AGO1: variants seen among roughly 807,000 people sequenced by gnomAD.
The protein encoded by AGO1 is protein argonaute-1.
AGO1 carries 11 observed loss-of-function variants against 109.2 expected under a neutral mutation model. That is an observed-to-expected ratio of 0.10 (90% CI 0.06 to 0.17). AGO1 has a LOEUF of 0.17. Ranked by LOEUF, AGO1 falls within the 10% of genes least tolerant of loss-of-function variation. The pLI is 1.00. For synonymous variants in AGO1, 422 were observed against 418.6 expected, an observed-to-expected ratio of 1.01 and a Z score of -0.10; for missense variants, 574 against 1,140.3, an observed-to-expected ratio of 0.50 and a Z score of 7.15.
rs1046575806 is a variant in AGO1, at chr1:35,919,432, T to C, written c.2466-67T>C. 1.3e-6 allele frequency: 2 copies of C among 1,520,018 alleles called. No individual in the cohort carries two copies. The highest frequency in any genetic ancestry group is 1.7e-4 in the Middle Eastern group (1 of 5,876). 94.2% of individuals were successfully genotyped at this position (1,520,018 alleles called of 1,614,324 possible). On this transcript the variant is annotated intron_variant, in intron 18 of 18. Coordinates refer to ENST00000373204, the MANE Select transcript of AGO1 (RefSeq NM_012199.5). The surrounding 1 kb of genome is among the most constrained non-coding windows in gnomAD (Gnocchi z 6.6). ...GGTATGGGAATTGGCATCCCAGGGC[T>C]GGGCGAGGGAATTAGCAGCAGCTCT... is the stretch of plus-strand genomic sequence containing the variant.
Position 35,888,719 on chromosome 1 carries a change from A to G in AGO1, c.209+109A>G. ...GAGGGTAGTATCACCAAATCTAAGG[A>G]AGTTTTTGAACGGGAGATGCCACGT... On this transcript the variant is annotated intron_variant, in intron 2 of 18. Transcript: ENST00000373204. This position sits in a 1 kb window ranked among gnomAD's most constrained non-coding sequence, Gnocchi z 4.1. 1 of 1,270,702 alleles carries G rather than the reference A, an allele frequency of 7.9e-7. No homozygotes were observed. Among genetic ancestry groups the G allele is most frequent in the South Asian group, 1.6e-5 (1 of 64,066 alleles). 78.7% of individuals were successfully genotyped at this position (1,270,702 alleles called of 1,614,324 possible). A position where few individuals can be genotyped will look rare whatever the true frequency, so the allele number is the denominator to read the frequency against.
Position 35,920,649 on chromosome 1 carries a change from C to T in AGO1, c.*1042C>T, listed in dbSNP as rs1440196918. 1 of 152,600 alleles carries T rather than the reference C, an allele frequency of 6.6e-6. No homozygotes were observed. Among genetic ancestry groups the T allele is most frequent in the East Asian group, 1.9e-4 (1 of 5,194 alleles). 9.5% of individuals were successfully genotyped at this position (152,600 alleles called of 1,614,324 possible). Reference sequence around the variant, plus strand: ...GTCTCGGAGCTGCTGAGATGACAGGCCCCTGGCCTTTCCACTTATGCCTCC... The same window carrying T: ...GTCTCGGAGCTGCTGAGATGACAGGTCCCTGGCCTTTCCACTTATGCCTCC... On this transcript the variant is annotated 3_prime_UTR_variant, in exon 19 of 19. Transcript: ENST00000373204.
chr1:35,894,881 T>C (rs1013239244), intron 7 of AGO1, among the ~76,000 whole-genome samples: 5 of 152,218 alleles, frequency 3.3e-5, no homozygotes, highest in Non-Finnish European at 7.3e-5. Context: ...CTGACTTTTG[T>C]GGAACTTGCC....
Position 35,888,613 on chromosome 1 carries a change from A to G in AGO1, c.209+3A>G. On this transcript the variant is annotated splice_donor_region_variant and intron_variant, in intron 2 of 18. Coordinates refer to ENST00000373204, the MANE Select transcript of AGO1 (RefSeq NM_012199.5). This position sits in a 1 kb window ranked among gnomAD's most constrained non-coding sequence, Gnocchi z 4.1. ...AAGTGTCCCCGTAGAGTCAACCGGT[A>G]AGTGATGCACACCTAAGCCACCAAA... The G allele has an allele frequency of 3.1e-6, 5 of 1,614,174 alleles. No homozygotes were observed. Among genetic ancestry groups the G allele is most frequent in the Non-Finnish European group, 4.2e-6 (5 of 1,180,006 alleles).
At chr1:35,889,701 C>G (rs1645182847) in intron 2 of AGO1, among the ~76,000 whole-genome samples, 1 of 152,040 alleles carries the variant, frequency 6.6e-6, no homozygotes, top group Non-Finnish European at 1.5e-5. Flanking sequence ...CTTTCTCCCT[C>G]TGTCGCCCAA....
In AGO1 at chr1:35,921,573, G is replaced by C. The variant is rs1571383462; in HGVS notation, c.*1966G>C. 1.3e-5 allele frequency: 2 copies of C among 152,712 alleles called. No homozygotes were observed. Among genetic ancestry groups the C allele is most frequent in the Admixed American group, 1.3e-4 (2 of 15,286 alleles). 9.5% of individuals were successfully genotyped at this position (152,712 alleles called of 1,614,324 possible). On this transcript the variant is annotated 3_prime_UTR_variant, in exon 19 of 19. Transcript: ENST00000373204. ...GCTTGGAGGCCAGCTGGAGGAAGAA[G>C]GGTCTAAATCCTGGCCTGTAGAGTT...
At chr1:35,875,088 A>G (rs1644982283) in intron 1 of AGO1, among the ~76,000 whole-genome samples, 1 of 152,248 alleles carries the variant, frequency 6.6e-6, no homozygotes, top group South Asian at 2.1e-4. Context: ...AGATCTGACT[A>G]AAATAATTGA....
rs1401866702 is a variant in AGO1, at chr1:35,921,985, C to T, written c.*2378C>T. On this transcript the variant is annotated 3_prime_UTR_variant, in exon 19 of 19. Coordinates refer to ENST00000373204, the MANE Select transcript of AGO1 (RefSeq NM_012199.5). ...GTCACCCTTTGGGGAGGGGAGTTCT[C>T]CTGGGACAGTGGGCTCTGCATGTTC... 1 of 152,812 alleles carries T rather than the reference C, an allele frequency of 6.5e-6. No homozygotes were observed. The highest frequency in any genetic ancestry group is 1.5e-5 in the Non-Finnish European group (1 of 68,182). 9.5% of individuals were successfully genotyped at this position (152,812 alleles called of 1,614,324 possible). A position where few individuals can be genotyped will look rare whatever the true frequency, so the allele number is the denominator to read the frequency against.
chr1:35,896,605 T>A (rs1470742010), intron 8 of AGO1, among the ~76,000 whole-genome samples: 2 of 151,872 alleles, frequency 1.3e-5, no homozygotes, highest in African/African-American at 2.4e-5. Flanking sequence ...GTGATCTGCC[T>A]GCCTCGGCCT....
chr1:35,882,480 C>T (rs1645047110), upstream of AGO1, among the ~76,000 whole-genome samples: 1 of 152,108 alleles, frequency 6.6e-6, no homozygotes, highest in Admixed American at 6.5e-5. The surrounding 1 kb of genome is among the most constrained non-coding windows in gnomAD (Gnocchi z 5.1). Context: ...ACAGATGCTG[C>T]AGAGAAATAA....
At chr1:35,914,341 T>C in intron 14 of AGO1, 67 bp downstream of exon 14, 2 of 1,322,390 alleles carry the variant, frequency 1.5e-6, no homozygotes, top group Non-Finnish European at 2.2e-6. Flanking sequence ...AAACTGCCCA[T>C]GATTTCCTTC....
chr1:35,908,454 C>T (rs1348451444), intron 12 of AGO1, among the ~76,000 whole-genome samples: 1 of 152,140 alleles, frequency 6.6e-6, no homozygotes, highest in African/African-American at 2.4e-5. Context: ...TGATTCAATC[C>T]TTGAACCCTC....
At chr1:35,898,400 GCGCCGA>G (rs1645358506) in intron 8 of AGO1, among the ~76,000 whole-genome samples, 1 of 152,030 alleles carries the variant, frequency 6.6e-6, no homozygotes, top group Admixed American at 6.5e-5. Context: ...GGGAATGCAG[GCGCCGA>G]CCACCACGCC....
rs1372029994 is a variant in AGO1 at position 35,919,234 on chromosome 1, G to T, written c.2445G>T (p.Leu815=). The change falls in exon 18 of 19, where the codon CTG becomes CTT. Residue 815 remains leucine (L), a synonymous_variant. Coordinates refer to ENST00000373204, the MANE Select transcript of AGO1 (RefSeq NM_012199.5). The surrounding 1 kb of genome is among the most constrained non-coding windows in gnomAD (Gnocchi z 6.6). ...RLVAFRARYH[L]VDKEHDSGEG... The stretch of plus-strand genomic sequence containing the variant: ...TGGCTTTCCGGGCACGATACCACCT[G>T]GTGGACAAGGAGCATGACAGGTGAG... 6.2e-7 allele frequency: 1 copy of T among 1,613,856 alleles called. No homozygotes were observed. Among genetic ancestry groups the T allele is most frequent in the Non-Finnish European group, 8.5e-7 (1 of 1,179,890 alleles).
upstream of AGO1, among the ~76,000 whole-genome samples, chr1:35,879,274 C>A (rs1457066662): frequency 6.6e-6 from 1 of 150,840 alleles, no homozygotes; most frequent in Non-Finnish European, 1.5e-5. Flanking sequence ...CATGGAGAAA[C>A]CCTGTCTATA....
At position 35,917,044 on chromosome 1, in the gene AGO1, C is replaced by T. The variant is rs367973663; in HGVS notation, c.2029-549C>T. 1.6e-3 allele frequency among the ~76,000 whole-genome samples: 249 copies of T among 152,350 alleles called. 1 individual carries two copies. Among genetic ancestry groups the T allele is most frequent in the African/African-American group, 5.5e-3 (230 of 41,564 alleles). Reference sequence around the variant, plus strand: ...TTTGACCCTCTGTATCTGACATCCACGGCCACAGGCAACTATTGCCTATGA... The same window carrying T: ...TTTGACCCTCTGTATCTGACATCCATGGCCACAGGCAACTATTGCCTATGA... On this transcript the variant is annotated intron_variant, in intron 15 of 18. Transcript: ENST00000373204.
chr1:35,872,513 T>C (rs927606001), intron 1 of AGO1, among the ~76,000 whole-genome samples: 1 of 152,190 alleles, frequency 6.6e-6, no homozygotes, highest in Non-Finnish European at 1.5e-5. Context: ...TCATCCTAGC[T>C]AAGCCATTTT....
At position 35,914,181 on chromosome 1, in the gene AGO1, C is replaced by T; in HGVS notation, c.1743-3C>T. The stretch of plus-strand genomic sequence containing the variant: ...ACCATTTTGTTTTCTCTTCCTTGCT[C>T]AGCTCTGCCGTTTTTCAACAGCCAG... On this transcript the variant is annotated splice_polypyrimidine_tract_variant and splice_region_variant and intron_variant, in intron 13 of 18. Transcript: ENST00000373204. The T allele has an allele frequency of 2.5e-6, 4 of 1,614,094 alleles. No individual in the cohort carries two copies. The South Asian group carries it at 4.4e-5, about 18-fold the overall frequency.
At chr1:35,886,875 A>G (rs1369411550) in intron 1 of AGO1, among the ~76,000 whole-genome samples, 2 of 151,340 alleles carry the variant, frequency 1.3e-5, no homozygotes, top group Non-Finnish European at 2.9e-5. Context: ...CAAGGCAGAT[A>G]TAGTCCCTGC....
Sources: gnomAD v4.1 joint callset for allele counts (sites outside exome capture counted in the v4.1 genomes callset) on GRCh38, gnomAD v4.1.1 for gene constraint, Gnocchi (gnomAD v3.1) non-coding constraint, MANE v1.5 for transcripts, NCBI Gene and HGNC (gene_info 2026-07-23, HGNC 2026-07-21) for gene names.